Variants in ZDHHC18 observed in about 807,000 individuals in gnomAD.
ZDHHC18 encodes the protein palmitoyltransferase ZDHHC18.
A neutral mutation model predicts 37.5 loss-of-function variants in ZDHHC18; 23 were observed. The observed-to-expected ratio is 0.61, with a 90% CI of 0.44 to 0.87. The LOEUF (loss-of-function observed/expected upper bound fraction) is 0.87, where lower values mean the gene tolerates loss of function less well. Among genes scored for constraint, ZDHHC18 ranks in the 40% least tolerant of loss-of-function variants. The probability of loss-of-function intolerance (pLI) is 0.00; values close to 1 mark genes in which losing one functional copy is unlikely to be tolerated. For missense variants in ZDHHC18, 406 were observed against 525.6 expected (o/e 0.77, Z 2.22); for synonymous variants, 185 against 218.7 (o/e 0.85, Z 1.36).
intron 1 of ZDHHC18, among the ~76,000 whole-genome samples, chr1:26,830,884 G>GTGAT (rs2081586337): frequency 6.6e-6 from 1 of 152,186 alleles, no homozygotes; most frequent in African/African-American, 2.4e-5. Context: ...CCGGGTTCAA[G>GTGAT]TGATTCTCCT....
intron 2 of ZDHHC18, among the ~76,000 whole-genome samples, chr1:26,842,843 A>G (rs368252554): frequency 3.6e-4 from 55 of 152,382 alleles, no homozygotes; most frequent in African/African-American, 1.3e-3. Flanking sequence ...GGCACTCAGT[A>G]AATAATCATT....
At chr1:26,845,465 T>C (rs2081659282) in intron 2 of ZDHHC18, among the ~76,000 whole-genome samples, 1 of 150,110 alleles carries the variant, frequency 6.7e-6, no homozygotes, top group Non-Finnish European at 1.5e-5. Flanking sequence ...CTTGAGTAGC[T>C]GGGATTACAG....
intron 2 of ZDHHC18, among the ~76,000 whole-genome samples, chr1:26,835,029 G>A (rs1369081618): frequency 6.6e-6 from 1 of 152,202 alleles, no homozygotes. Flanking sequence ...AAGCTTCCTG[G>A]AGAAGTGATG....
At chr1:26,851,567 T>A (rs1383846814) in intron 6 of ZDHHC18, among the ~76,000 whole-genome samples, 1 of 152,188 alleles carries the variant, frequency 6.6e-6, no homozygotes, top group Non-Finnish European at 1.5e-5. Context: ...TTCCCGTCAT[T>A]TCTTTGGGTC....
intron 2 of ZDHHC18, among the ~76,000 whole-genome samples, chr1:26,844,756 T>G (rs1476849878): frequency 6.6e-6 from 1 of 152,214 alleles, no homozygotes; most frequent in African/African-American, 2.4e-5. Context: ...GTGGTCTTAA[T>G]TTGCATTTCC....
intron 1 of ZDHHC18, among the ~76,000 whole-genome samples, chr1:26,827,364 G>A (rs187175194): frequency 7.9e-6 from 1 of 126,692 alleles, no homozygotes; most frequent in Admixed American, 8.7e-5. Flanking sequence ...CCCCATCCGC[G>A]CTGGTGCCCT....
At chr1:26,838,989 G>C (rs2081625873) in intron 2 of ZDHHC18, among the ~76,000 whole-genome samples, 1 of 152,256 alleles carries the variant, frequency 6.6e-6, no homozygotes, top group African/African-American at 2.4e-5. Flanking sequence ...TTCCTCTGCA[G>C]GTGACAACAG....
intron 2 of ZDHHC18, among the ~76,000 whole-genome samples, chr1:26,842,476 C>A (rs2081644164): frequency 6.6e-6 from 1 of 152,192 alleles, no homozygotes; most frequent in Non-Finnish European, 1.5e-5. Flanking sequence ...CCCAGCTGGG[C>A]AGAAGTGGAG....
At chr1:26,839,897 G>A (rs2081629742) in intron 2 of ZDHHC18, among the ~76,000 whole-genome samples, 1 of 152,192 alleles carries the variant, frequency 6.6e-6, no homozygotes. Context: ...AGAGCTGCTT[G>A]TCTTCCCCCA....
chr1:26,837,409 A>G (rs1375483777), intron 2 of ZDHHC18, among the ~76,000 whole-genome samples: 8 of 147,832 alleles, frequency 5.4e-5, no homozygotes, highest in East Asian at 1.9e-4. Flanking sequence ...TATGTATTTA[A>G]CATATATTTA....
In ZDHHC18 at chr1:26,832,542, T is replaced by C. The variant is rs1402672031; in HGVS notation, c.431T>C (p.Phe144Ser). 4 of 1,614,052 alleles carry C rather than the reference T, an allele frequency of 2.5e-6. No individual in the cohort carries two copies. Among genetic ancestry groups the C allele is most frequent in the Non-Finnish European group, 2.5e-6 (3 of 1,180,026 alleles). ...ATGAGCTGCCTGCTGCAGACAAGCT[T>C]CACCGACCCTGGGATCCTGCCCCGG... ...FVMSCLLQTS[F>S]TDPGILPRAT... The change falls in exon 2 of 8, where the codon TTC (phenylalanine) becomes TCC (serine). Residue 144 changes from phenylalanine (F) to serine (S), a missense_variant. Phe to Ser is a radical substitution (Grantham distance 155). Transcript: ENST00000374142.
chr1:26,832,696 A>G (rs919266497), intron 2 of ZDHHC18, 89 bp downstream of exon 2: 9 of 1,506,512 alleles, frequency 6.0e-6, no homozygotes, highest in African/African-American at 1.4e-5. Flanking sequence ...TTCCAAAACT[A>G]TACTAGGAAC....
rs1570679015 is a variant in ZDHHC18 at position 26,856,412 on chromosome 1, G to A, written c.*2569G>A. 3.5e-6 allele frequency: 1 copy of A among 288,576 alleles called. No homozygotes were observed. Among genetic ancestry groups the A allele is most frequent in the East Asian group, 8.5e-5 (1 of 11,716 alleles). The allele number at this position is 288,576 out of a possible 1,614,324, so 17.9% of individuals were successfully genotyped here. On this transcript the variant is annotated 3_prime_UTR_variant, in exon 8 of 8. Coordinates refer to ENST00000374142, the MANE Select transcript of ZDHHC18 (RefSeq NM_032283.3). This position sits in a 1 kb window ranked among gnomAD's most constrained non-coding sequence, Gnocchi z 5.2. ...GTGCTGGTGGTGGTAGGGTCTCCAG[G>A]GACTCCCCGCTAAGCAGAAGGATCG...
In ZDHHC18 at chr1:26,835,001, CT is replaced by C. The variant is rs1485545687; in HGVS notation, c.496+2395del. Among the ~76,000 whole-genome samples, 4 of 152,326 alleles carry C rather than the reference CT, an allele frequency of 2.6e-5. No individual in the cohort carries two copies. The East Asian group carries it at 7.7e-4, about 29-fold the overall frequency. On this transcript the variant is annotated intron_variant, in intron 2 of 7. Transcript: ENST00000374142. ...GGGTCAGAGGAGTCAGGAGCATCTT[CT>C]GCCTGGGGGACTGGAGAAGCTTCCT...
At chr1:26,836,896 C>T (rs2081614545) in intron 2 of ZDHHC18, among the ~76,000 whole-genome samples, 1 of 148,284 alleles carries the variant, frequency 6.7e-6, no homozygotes, top group Admixed American at 6.7e-5. Flanking sequence ...TATTTTCCTC[C>T]TAAATGGCTC....
At chr1:26,834,648 A>T (rs2081603147) in intron 2 of ZDHHC18, among the ~76,000 whole-genome samples, 1 of 152,196 alleles carries the variant, frequency 6.6e-6, no homozygotes, top group South Asian at 2.1e-4. Flanking sequence ...GAATTCCAGC[A>T]TCTTGTTCAC....
intron 2 of ZDHHC18, among the ~76,000 whole-genome samples, chr1:26,839,942 C>A (rs1010468244): frequency 6.6e-6 from 1 of 152,214 alleles, no homozygotes; most frequent in East Asian, 1.9e-4. Context: ...CTCCTTTGTC[C>A]CAACTCTGGC....
Position 26,855,897 on chromosome 1 carries a change from G to A in ZDHHC18, c.*2054G>A. 1 of 221,928 alleles carries A rather than the reference G, an allele frequency of 4.5e-6. No homozygotes were observed. Among genetic ancestry groups the A allele is most frequent in the Non-Finnish European group, 9.8e-6 (1 of 101,948 alleles). 13.7% of individuals were successfully genotyped at this position (221,928 alleles called of 1,614,324 possible). The stretch of plus-strand genomic sequence containing the variant: ...TGGAGCTCTGTCCGCTGGAGGAAGA[G>A]CAGAGAGGGCTGCGGCTGAGCCCCC... On this transcript the variant is annotated 3_prime_UTR_variant, in exon 8 of 8. Transcript: ENST00000374142.
chr1:26,830,553 T>C (rs542777594), intron 1 of ZDHHC18, among the ~76,000 whole-genome samples: 1 of 152,296 alleles, frequency 6.6e-6, no homozygotes, highest in South Asian at 2.1e-4. Context: ...AGTAACTATC[T>C]GTACTTTGGA....
Sources: gnomAD v4.1 joint callset for allele counts (sites outside exome capture counted in the v4.1 genomes callset) on GRCh38, gnomAD v4.1.1 for gene constraint, Gnocchi (gnomAD v3.1) non-coding constraint, MANE v1.5 for transcripts, NCBI Gene and HGNC (gene_info 2026-07-23, HGNC 2026-07-21) for gene names.